Variants in ANKRA2 observed in about 807,000 individuals in gnomAD.
The protein encoded by ANKRA2 is ankyrin repeat family A protein 2.
In ANKRA2, 33 loss-of-function variants were observed where a neutral mutation model predicts 37.8. The ratio of observed to expected loss-of-function variants is 0.87; its 90% CI spans 0.66 to 1.17. The LOEUF is 1.17. Among genes scored for constraint, ANKRA2 ranks in the 50% most tolerant of loss-of-function variants. The pLI is 0.00. For synonymous variants in ANKRA2, 126 were observed against 132.3 expected (o/e 0.95, Z 0.33); for missense variants, 326 against 373.7 (o/e 0.87, Z 1.05).
At chr5:73,564,998 A>G (rs985805234) in intron 1 of ANKRA2, 134 bp downstream of exon 1, 1 of 152,208 alleles carries the variant, frequency 6.6e-6, no homozygotes, top group Non-Finnish European at 1.5e-5. Flanking sequence ...GAAGGGATAG[A>G]GAGTCTACGG....
At chr5:73,559,088 G>A (rs1747476155) in intron 3 of ANKRA2, among the ~76,000 whole-genome samples, 1 of 152,186 alleles carries the variant, frequency 6.6e-6, no homozygotes, top group African/African-American at 2.4e-5. Context: ...CCTTACTACA[G>A]AAGGAAAAGC....
chr5:73,562,725 T>G lies in ANKRA2; in HGVS notation c.157A>C (p.Lys53Gln). Reference sequence around the variant, plus strand: ...TCAAATCGGTTAGGCAATATGAATTTCATTCCCATGGCAACACCCTGAGCT... The same window carrying G: ...TCAAATCGGTTAGGCAATATGAATTGCATTCCCATGGCAACACCCTGAGCT... ...GSAQGVAMGMKFILPNRFDMN... is the reference protein window; with the variant it reads ...GSAQGVAMGMQFILPNRFDMN... The change falls in exon 2 of 9, where the codon AAA becomes CAA. Residue 53 changes from lysine to glutamine, a missense_variant. This residue lies in a region of ANKRA2 where 93 missense variants were observed against 91.1 expected (regional missense o/e 1.02). Coordinates refer to ENST00000296785, the MANE Select transcript of ANKRA2 (RefSeq NM_023039.5). 7 of 1,614,220 alleles carry G rather than the reference T, an allele frequency of 4.3e-6. No individual in the cohort carries two copies. Among genetic ancestry groups the G allele is most frequent in the Non-Finnish European group, 5.9e-6 (7 of 1,180,048 alleles).
intron 3 of ANKRA2, among the ~76,000 whole-genome samples, chr5:73,559,122 T>C (rs934705297): frequency 9.2e-5 from 14 of 152,182 alleles, no homozygotes; most frequent in African/African-American, 3.1e-4. Flanking sequence ...TGCAAATTTA[T>C]ATAAGTAAAC....
intron 7 of ANKRA2, among the ~76,000 whole-genome samples, chr5:73,553,848 C>T (rs1366418449): frequency 6.6e-6 from 1 of 151,806 alleles, no homozygotes; most frequent in African/African-American, 2.4e-5. Context: ...AGTCTCGGCT[C>T]ATTGCAACCT....
intron 8 of ANKRA2, 87 bp downstream of exon 8, chr5:73,553,319 T>C (rs1747300898): frequency 1.0e-6 from 1 of 972,460 alleles, no homozygotes; most frequent in Non-Finnish European, 1.5e-6. Flanking sequence ...GTTTTAGGAT[T>C]ACAGTGATAA....
At position 73,552,722 on chromosome 5, in the gene ANKRA2, T is replaced by C; in HGVS notation, c.*75A>G. ...TAAATATTGCAACTGAGGTAAAAAT[T>C]TATAAGTAAACAAAACTATCATTTA... On this transcript the variant is annotated 3_prime_UTR_variant, in exon 9 of 9. Coordinates refer to ENST00000296785, the MANE Select transcript of ANKRA2 (RefSeq NM_023039.5). The C allele has an allele frequency of 7.1e-7, 1 of 1,413,580 alleles. No individual in the cohort carries two copies. Among genetic ancestry groups the C allele is most frequent in the Non-Finnish European group, 9.8e-7 (1 of 1,017,762 alleles). 87.6% of individuals were successfully genotyped at this position (1,413,580 alleles called of 1,614,324 possible).
In ANKRA2 at chr5:73,553,417, C is replaced by T. The variant is rs772074252; in HGVS notation, c.875G>A (p.Gly292Asp). ...TCTAACATACTTACCACTTCTATAGCCTAGGGCTACAGCTAGATCCATAGA... is the reference window on the plus strand; with the variant it reads ...TCTAACATACTTACCACTTCTATAGTCTAGGGCTACAGCTAGATCCATAGA... ...YNSMDLAVAL[G>D]YRSVQQVIES... The change falls in exon 8 of 9, where the codon GGC (glycine) becomes GAC (aspartate). Residue 292 changes from glycine to aspartate, a missense_variant. Physicochemically the swap from Gly to Asp is moderately conservative, Grantham distance 94. This residue lies in a region of ANKRA2 where 228 missense variants were observed against 260.2 expected (regional missense o/e 0.88). Coordinates refer to ENST00000296785, the MANE Select transcript of ANKRA2 (RefSeq NM_023039.5). The T allele has an allele frequency of 6.2e-7, 1 of 1,612,712 alleles. No individual in the cohort carries two copies. The highest frequency in any genetic ancestry group is 1.1e-5 in the South Asian group (1 of 91,034).
intron 3 of ANKRA2, among the ~76,000 whole-genome samples, chr5:73,559,947 A>T (rs1747503188): frequency 6.6e-6 from 1 of 151,992 alleles, no homozygotes; most frequent in Non-Finnish European, 1.5e-5. Context: ...TTTTTTTGGT[A>T]GAGATGGGAT....
Position 73,554,853 on chromosome 5 carries a change from A to C in ANKRA2, c.738+8T>G. 1 of 1,610,666 alleles carries C rather than the reference A, an allele frequency of 6.2e-7. No homozygotes were observed. Among genetic ancestry groups the C allele is most frequent in the Non-Finnish European group, 8.5e-7 (1 of 1,178,880 alleles). On this transcript the variant is annotated splice_region_variant and intron_variant, in intron 6 of 8. Transcript: ENST00000296785. Reference sequence around the variant, plus strand: ...AGAGTCATTTTAAATTTAGTATTACAAACTTACCCAATCATATTCATTTAC... The same window carrying C: ...AGAGTCATTTTAAATTTAGTATTACCAACTTACCCAATCATATTCATTTAC...
rs1290560073 is a variant in ANKRA2 at position 73,552,752 on chromosome 5, G to C, written c.*45C>G. On this transcript the variant is annotated 3_prime_UTR_variant, in exon 9 of 9. Coordinates refer to ENST00000296785, the MANE Select transcript of ANKRA2 (RefSeq NM_023039.5). ...AGTAAACAAAACTATCATTTATAAG[G>C]ACCAAGAAGTAAACAAAAGGGCAGA... 20 of 1,522,738 alleles carry C rather than the reference G, an allele frequency of 1.3e-5. No homozygotes were observed. Among genetic ancestry groups the C allele is most frequent in the Non-Finnish European group, 1.7e-5 (19 of 1,102,958 alleles). The allele number at this position is 1,522,738 out of a possible 1,614,324, so 94.3% of individuals were successfully genotyped here. A position where few individuals can be genotyped will look rare whatever the true frequency, so the allele number is the denominator to read the frequency against.
chr5:73,557,539 T>C lies in ANKRA2; in HGVS notation c.514+36A>G, dbSNP rs189925198. ...ACAATAACAAATCTAATAAATCCTA[T>C]TGAATTTGTTTAAATATTTTTAAAT... On this transcript the variant is annotated intron_variant, in intron 4 of 8. Coordinates refer to ENST00000296785, the MANE Select transcript of ANKRA2 (RefSeq NM_023039.5). 1.5e-4 allele frequency: 211 copies of C among 1,403,726 alleles called. 1 individual carries two copies. The East Asian group carries it at 4.3e-3, about 28-fold the overall frequency. 87.0% of individuals were successfully genotyped at this position (1,403,726 alleles called of 1,614,324 possible). A position where few individuals can be genotyped will look rare whatever the true frequency, so the allele number is the denominator to read the frequency against.
chr5:73,559,455 T>C (rs942735455), intron 3 of ANKRA2, among the ~76,000 whole-genome samples: 1 of 152,160 alleles, frequency 6.6e-6, no homozygotes, highest in Non-Finnish European at 1.5e-5. Flanking sequence ...ATTCAAGGTG[T>C]TAAAATAGGT....
At chr5:73,557,174 T>C (rs926011947) in intron 4 of ANKRA2, among the ~76,000 whole-genome samples, 2 of 151,192 alleles carry the variant, frequency 1.3e-5, no homozygotes, top group African/African-American at 4.9e-5. Flanking sequence ...AAGAATAAAA[T>C]AGGTCTTTAA....
intron 3 of ANKRA2, 128 bp from the exon 4 acceptor site, chr5:73,557,768 A>G: frequency 1.6e-6 from 1 of 610,158 alleles, no homozygotes; most frequent in South Asian, 2.4e-5. Context: ...TTTTAAAAAT[A>G]TAACTTAAAA....
Position 73,553,406 on chromosome 5 carries a change from C to T in ANKRA2, c.886G>A (p.Val296Ile). The T allele has an allele frequency of 6.2e-7, 1 of 1,609,106 alleles. No individual in the cohort carries two copies. Among genetic ancestry groups the T allele is most frequent in the Non-Finnish European group, 8.5e-7 (1 of 1,176,548 alleles). Residue 296 changes from valine (V) to isoleucine (I), a missense_variant and splice_region_variant, in exon 8 of 9, where the codon GTT becomes ATT. Transcript: ENST00000296785. ...GACACAGGAGTTCTAACATACTTACCACTTCTATAGCCTAGGGCTACAGCT... is the reference window on the plus strand; with the variant it reads ...GACACAGGAGTTCTAACATACTTACTACTTCTATAGCCTAGGGCTACAGCT... ...DLAVALGYRS[V>I]QQVIESHLLK...
intron 4 of ANKRA2, 31 bp from the exon 5 acceptor site, chr5:73,555,616 T>C: frequency 6.4e-7 from 1 of 1,568,386 alleles, no homozygotes; most frequent in Non-Finnish European, 8.8e-7. Context: ...TTTTGTGATC[T>C]AATTTAACAA....
At chr5:73,557,458 G>C in intron 4 of ANKRA2, 117 bp downstream of exon 4, 1 of 395,750 alleles carries the variant, frequency 2.5e-6, no homozygotes, top group Admixed American at 5.1e-5. Context: ...TATCTGCCTG[G>C]TGAGTTTATG....
intron 1 of ANKRA2, among the ~76,000 whole-genome samples, chr5:73,564,876 G>A (rs967853018): frequency 6.6e-6 from 1 of 151,316 alleles, no homozygotes; most frequent in South Asian, 2.1e-4. Context: ...ACAGGAGAGG[G>A]AGGCGGGGGT....
intron 8 of ANKRA2, 39 bp downstream of exon 8, chr5:73,553,367 C>A (rs749152284): frequency 1.3e-6 from 2 of 1,500,916 alleles, no homozygotes; most frequent in Non-Finnish European, 1.8e-6. Flanking sequence ...ATTTACAGAG[C>A]TTTACTAAGA....
Sources: allele counts gnomAD v4.1 joint callset (sites outside exome capture counted in the v4.1 genomes callset), GRCh38; gene constraint gnomAD v4.1.1; regional missense constraint gnomAD v4.1.1; transcripts MANE v1.5; gene names NCBI Gene and HGNC (gene_info 2026-07-23, HGNC 2026-07-21).